CUL3: variants seen among roughly 807,000 people sequenced by gnomAD.
CUL3 encodes cullin 3.
A neutral mutation model predicts 89.1 loss-of-function variants in CUL3; 19 were observed. The observed-to-expected ratio is 0.21, with a 90% CI of 0.15 to 0.31. The LOEUF (loss-of-function observed/expected upper bound fraction) is 0.31. Among genes scored for constraint, CUL3 ranks in the 10% least tolerant of loss-of-function variants. CUL3 has a pLI of 1.00. For synonymous variants in CUL3, 351 were observed against 308.4 expected (o/e 1.14, Z -1.45); for missense variants, 469 against 942.3 (o/e 0.50, Z 6.58).
chr2:224,571,048 GACC>G (rs887855228), intron 1 of CUL3, among the ~76,000 whole-genome samples: 6 of 152,046 alleles, frequency 3.9e-5, no homozygotes, highest in South Asian at 2.1e-4. Context: ...ATGTGATAAT[GACC>G]ACAACAAATA....
chr2:224,503,540 CTAGAAA>C, intron 9 of CUL3, 106 bp downstream of exon 9: 1 of 918,714 alleles, frequency 1.1e-6, no homozygotes, highest in East Asian at 2.8e-5. Flanking sequence ...ACCTTTATTT[CTAGAAA>C]TAAACACTTA....
At chr2:224,525,054 T>C (rs1693420144) in intron 3 of CUL3, among the ~76,000 whole-genome samples, 1 of 148,188 alleles carries the variant, frequency 6.7e-6, no homozygotes, top group Admixed American at 6.7e-5. Flanking sequence ...AAAGAACAGA[T>C]GAGACAGAAA....
At chr2:224,528,188 A>G (rs13001695) in intron 3 of CUL3, among the ~76,000 whole-genome samples, 28,079 of 152,122 alleles carry the variant, frequency 0.18, 2,939 homozygotes, top group South Asian at 0.27. Flanking sequence ...CAGTTTCAGC[A>G]GGCTAAAGCA....
intron 2 of CUL3, among the ~76,000 whole-genome samples, chr2:224,536,809 AAAAG>A (rs1005955564): frequency 6.6e-6 from 1 of 152,236 alleles, no homozygotes; most frequent in African/African-American, 2.4e-5. Flanking sequence ...CTATCTGCCC[AAAAG>A]AAAGACCATT....
In CUL3 at chr2:224,495,930, C is replaced by T. The variant is rs2106180139; in HGVS notation, c.1744G>A (p.Val582Ile). 6.2e-7 allele frequency: 1 copy of T among 1,613,940 alleles called. No homozygotes were observed. Among genetic ancestry groups the T allele is most frequent in the South Asian group, 1.1e-5 (1 of 91,036 alleles). ...TGCTTCCGTGTATTAGAGCCAGTTA[C>T]TTGTGCACCTCCAACACCAACTTCA... Reference protein sequence around the residue: ...GSEVGVGGAQVTGSNTRKHIL... With the variant: ...GSEVGVGGAQITGSNTRKHIL... The change falls in exon 13 of 16, where the codon GTA (valine) becomes ATA (isoleucine). Residue 582 changes from valine to isoleucine, a missense_variant. Transcript: ENST00000264414.
rs35806786 is a variant in CUL3 at position 224,542,556 on chromosome 2, CGTGT to C, written c.265-6919_265-6916del. Among the ~76,000 whole-genome samples, 64 of 150,488 alleles carry C rather than the reference CGTGT, an allele frequency of 4.3e-4. 2 individuals are homozygous for C. The highest frequency in any genetic ancestry group is 1.3e-3 in the South Asian group (6 of 4,760). On this transcript the variant is annotated intron_variant, in intron 2 of 15. Transcript: ENST00000264414. ...CAGCACTTCTGGCTGTGTGCGTGTG[CGTGT>C]GTGTGTGTGTGCGCGCGCGCATGCG... is the stretch of plus-strand genomic sequence containing the variant.
intron 3 of CUL3, among the ~76,000 whole-genome samples, chr2:224,533,910 A>G (rs1386505684): frequency 1.3e-5 from 2 of 152,214 alleles, no homozygotes; most frequent in African/African-American, 4.8e-5. Context: ...CTGAATTCAC[A>G]GAGCAGAACA....
chr2:224,513,463 C>A, intron 5 of CUL3, 61 bp downstream of exon 5: 1 of 1,124,886 alleles, frequency 8.9e-7, no homozygotes, highest in Non-Finnish European at 1.3e-6. Context: ...AAATTAGTAA[C>A]TATATTAAAT....
At chr2:224,574,065 A>G (rs13026660) in intron 1 of CUL3, among the ~76,000 whole-genome samples, 28,864 of 152,136 alleles carry the variant, frequency 0.19, 3,065 homozygotes, top group South Asian at 0.27. Context: ...TTAGGTAAGA[A>G]TGACTTACAA....
chr2:224,513,693 T>A (rs1692926977), intron 4 of CUL3, 55 bp from the exon 5 acceptor site: 1 of 1,275,446 alleles, frequency 7.8e-7, no homozygotes, highest in Non-Finnish European at 1.1e-6. Flanking sequence ...AAAATTCACA[T>A]AAAAATTACA....
chr2:224,493,802 T>TA (rs951143478), intron 13 of CUL3, among the ~76,000 whole-genome samples: 71 of 152,212 alleles, frequency 4.7e-4, no homozygotes, highest in South Asian at 6.2e-4. Flanking sequence ...AGCCGCAGAT[T>TA]AAAAAAATGA....
chr2:224,558,769 G>A (rs1175715392), intron 1 of CUL3, among the ~76,000 whole-genome samples: 2 of 152,154 alleles, frequency 1.3e-5, no homozygotes, highest in African/African-American at 2.4e-5. Context: ...TTGGCTGGGC[G>A]CAGTGGCTCA....
chr2:224,557,883 CAAAAAAA>C (rs748754000), intron 1 of CUL3, 27 bp from the exon 2 acceptor site: 144 of 112,574 alleles, frequency 1.3e-3, no homozygotes, highest in African/African-American at 3.7e-3. Context: ...AGAGAAGAGA[CAAAAAAA>C]AAAAAAAAAA....
intron 2 of CUL3, among the ~76,000 whole-genome samples, chr2:224,542,090 CCTT>C (rs1694130525): frequency 6.6e-6 from 1 of 152,080 alleles, no homozygotes; most frequent in South Asian, 2.1e-4. Context: ...GGCCCTGTTT[CCTT>C]ATTATTTTAT....
chr2:224,471,997 A>G lies in CUL3; in HGVS notation c.*2248T>C, dbSNP rs1691147766. 1.7e-5 allele frequency: 4 copies of G among 231,232 alleles called. No individual in the cohort carries two copies. In the East Asian group the frequency reaches 2.5e-4, roughly 14 times the overall value. The allele number at this position is 231,232 out of a possible 1,614,324, so 14.3% of individuals were successfully genotyped here. ...CATCTGTGACCTCTTGCTAAAAAGA[A>G]AGCAATGTTAAATGTATTTTGTTAT... On this transcript the variant is annotated 3_prime_UTR_variant, in exon 16 of 16. Coordinates refer to ENST00000264414, the MANE Select transcript of CUL3 (RefSeq NM_003590.5).
intron 1 of CUL3, chr2:224,563,061 T>C (rs531632061): frequency 2.5e-5 from 9 of 358,294 alleles, no homozygotes; most frequent in African/African-American, 8.6e-5. Context: ...TGCCCAATGA[T>C]AGAATCTCTT....
At chr2:224,547,634 G>T (rs1694354295) in intron 2 of CUL3, among the ~76,000 whole-genome samples, 1 of 151,948 alleles carries the variant, frequency 6.6e-6, no homozygotes, top group Non-Finnish European at 1.5e-5. Flanking sequence ...CTCAATCTCT[G>T]TGGGCCTCTG....
intron 9 of CUL3, 46 bp from the exon 10 acceptor site, chr2:224,503,118 T>C (rs745543935): frequency 8.8e-7 from 1 of 1,137,420 alleles, no homozygotes; most frequent in Admixed American, 1.8e-5. Flanking sequence ...GGTAGATGTT[T>C]CTATGAGAAA....
At chr2:224,479,753 G>GT (rs1691460402) in intron 14 of CUL3, 1 of 152,112 alleles carries the variant, frequency 6.6e-6, no homozygotes. Context: ...ACTGGTAAAC[G>GT]TAGGTCACAG....
Sources: gnomAD v4.1 joint callset for allele counts (sites outside exome capture counted in the v4.1 genomes callset) on GRCh38, gnomAD v4.1.1 for gene constraint, MANE v1.5 for transcripts, NCBI Gene and HGNC (gene_info 2026-07-23, HGNC 2026-07-21) for gene names.